TTC27: variants seen among roughly 807,000 people sequenced by gnomAD.
TTC27 encodes tetratricopeptide repeat domain 27.
A neutral mutation model predicts 115.9 loss-of-function variants in TTC27; 79 were observed. The ratio of observed to expected loss-of-function variants is 0.68; its 90% CI spans 0.57 to 0.82. The LOEUF (loss-of-function observed/expected upper bound fraction) is 0.82, where lower values mean the gene tolerates loss of function less well. Among genes scored for constraint, TTC27 ranks in the 40% least tolerant of loss-of-function variants. TTC27 has a pLI of 0.00. For missense variants in TTC27, 1,054 were observed against 993.1 expected (o/e 1.06, Z -0.82); for synonymous variants, 401 against 356.0 (o/e 1.13, Z -1.42).
At position 32,630,558 on chromosome 2, in the gene TTC27, A is replaced by G; in HGVS notation, c.124A>G (p.Asn42Asp). 1 of 1,611,752 alleles carries G rather than the reference A, an allele frequency of 6.2e-7. No individual in the cohort carries two copies. Among genetic ancestry groups the G allele is most frequent in the Non-Finnish European group, 8.5e-7 (1 of 1,179,098 alleles). Reference protein sequence around the residue: ...GSFLQLLLEGNYEAIFLNSMT... With the variant: ...GSFLQLLLEGDYEAIFLNSMT... ...TTTCCTACAATTGCTACTGGAAGGGAACTATGAAGCCATATTCTTAAATTC... is the reference window on the plus strand; with the variant it reads ...TTTCCTACAATTGCTACTGGAAGGGGACTATGAAGCCATATTCTTAAATTC... Residue 42 changes from asparagine (N) to aspartate (D), a missense_variant, in exon 2 of 20, where the codon AAC (asparagine) becomes GAC (aspartate). Coordinates refer to ENST00000317907, the MANE Select transcript of TTC27 (RefSeq NM_017735.5).
At chr2:32,786,292 TTTTG>T (rs1385705295) in intron 15 of TTC27, among the ~76,000 whole-genome samples, 3 of 152,028 alleles carry the variant, frequency 2.0e-5, no homozygotes, top group Non-Finnish European at 2.9e-5. Context: ...CAGCTGCTTT[TTTTG>T]TTTGTTTGTT....
At chr2:32,806,942 T>C (rs920263130) in intron 16 of TTC27, among the ~76,000 whole-genome samples, 1 of 152,198 alleles carries the variant, frequency 6.6e-6, no homozygotes, top group Non-Finnish European at 1.5e-5. Flanking sequence ...TGAAATGTAG[T>C]GTACATACAG....
chr2:32,729,339 A>G lies in TTC27; in HGVS notation c.1234-4489A>G, dbSNP rs150546596. On this transcript the variant is annotated intron_variant, in intron 10 of 19. Coordinates refer to ENST00000317907, the MANE Select transcript of TTC27 (RefSeq NM_017735.5). ...TTAAAATGTAGTTTTGATCTTCTCT[A>G]GTTTTTTTCTGGGAAATTCCTTCTC... 8.2e-3 allele frequency among the ~76,000 whole-genome samples: 1,249 copies of G among 152,258 alleles called. 14 individuals carry two copies. The highest frequency in any genetic ancestry group is 0.029 in the African/African-American group (1,216 of 41,560).
At chr2:32,782,794 A>G in intron 15 of TTC27, 116 bp downstream of exon 15, 1 of 699,522 alleles carries the variant, frequency 1.4e-6, no homozygotes, top group African/African-American at 1.8e-5. Flanking sequence ...GCCCATGTAT[A>G]TGAAATAGAA....
intron 5 of TTC27, among the ~76,000 whole-genome samples, chr2:32,657,314 G>A (rs1033121082): frequency 2.7e-5 from 4 of 150,908 alleles, no homozygotes; most frequent in African/African-American, 9.7e-5. Flanking sequence ...TTTGAGTCCA[G>A]AGAATCTCTT....
chr2:32,746,048 T>C (rs1668814617), intron 12 of TTC27, among the ~76,000 whole-genome samples: 1 of 152,150 alleles, frequency 6.6e-6, no homozygotes. Flanking sequence ...AAATTAATAA[T>C]TAGTTGTGTG....
Position 32,686,967 on chromosome 2 carries a change from C to T in TTC27, c.1119+8045C>T, listed in dbSNP as rs549075001. Among the ~76,000 whole-genome samples, 4 of 152,280 alleles carry T rather than the reference C, an allele frequency of 2.6e-5. No homozygotes were observed. The South Asian group carries it at 8.3e-4, about 32-fold the overall frequency. ...TCAAGCAATTCCTGTGCCTCAGCCT[C>T]CCGAGTACCTGGGATTACAGGCATG... On this transcript the variant is annotated intron_variant, in intron 9 of 19. Coordinates refer to ENST00000317907, the MANE Select transcript of TTC27 (RefSeq NM_017735.5).
At chr2:32,702,979 C>A in intron 10 of TTC27, 59 bp downstream of exon 10, 1 of 1,177,126 alleles carries the variant, frequency 8.5e-7, no homozygotes, top group Non-Finnish European at 1.3e-6. Flanking sequence ...TATCAGTAAG[C>A]ATACATGTTT....
In TTC27 at chr2:32,811,338, T is replaced by C. The variant is rs950141209; in HGVS notation, c.2196+117T>C. 5 of 968,314 alleles carry C rather than the reference T, an allele frequency of 5.2e-6. No homozygotes were observed. In the African/African-American group the frequency reaches 8.2e-5, roughly 16 times the overall value. 60.0% of individuals were successfully genotyped at this position (968,314 alleles called of 1,614,324 possible). On this transcript the variant is annotated intron_variant, in intron 17 of 19. Transcript: ENST00000317907. ...ATCTGAAAGATAAGATTAGTATGCT[T>C]AAGTTCAGTTCTGATTCAGTCTTTA...
Position 32,672,275 on chromosome 2 carries a change from C to A in TTC27, c.943C>A (p.Leu315Ile). 6.2e-7 allele frequency: 1 copy of A among 1,611,452 alleles called. No homozygotes were observed. Among genetic ancestry groups the A allele is most frequent in the Non-Finnish European group, 8.5e-7 (1 of 1,178,216 alleles). Reference sequence around the variant, plus strand: ...ATTTTCTTTTGTATTCTACTAGAATCTTGAGCTCAATGATGACACCATTCT... The same window carrying A: ...ATTTTCTTTTGTATTCTACTAGAATATTGAGCTCAATGATGACACCATTCT... ...PTPQEHLTKN[L>I]ELNDDTILND... The change falls in exon 8 of 20, where the codon CTT becomes ATT. Residue 315 changes from leucine to isoleucine, a missense_variant. By Grantham distance (5) the Leu-to-Ile change is conservative (BLOSUM62 2). Transcript: ENST00000317907.
chr2:32,639,054 G>A (rs186135007), intron 3 of TTC27, among the ~76,000 whole-genome samples: 1 of 151,806 alleles, frequency 6.6e-6, no homozygotes, highest in Non-Finnish European at 1.5e-5. Context: ...GGATGGTCTT[G>A]ATCTCCTGAC....
intron 12 of TTC27, among the ~76,000 whole-genome samples, chr2:32,750,248 C>T (rs1306826958): frequency 1.3e-5 from 2 of 152,174 alleles, no homozygotes; most frequent in Non-Finnish European, 2.9e-5. Flanking sequence ...TGAGTCCACA[C>T]AGCAAATGTC....
rs150353779 is a variant in TTC27, at chr2:32,707,426, C to T, written c.1233+4506C>T. Among the ~76,000 whole-genome samples, 458 of 152,294 alleles carry T rather than the reference C, an allele frequency of 3.0e-3. 1 individual carries two copies. The highest frequency in any genetic ancestry group is 0.01 in the African/African-American group (433 of 41,562). On this transcript the variant is annotated intron_variant, in intron 10 of 19. Coordinates refer to ENST00000317907, the MANE Select transcript of TTC27 (RefSeq NM_017735.5). ...TGAGGGTAGAGCCCCCACCTCCCAC[C>T]ACTGTTGCATCGGGCACCAAGTTGC...
At chr2:32,711,914 T>G (rs532666150) in intron 10 of TTC27, among the ~76,000 whole-genome samples, 1 of 152,050 alleles carries the variant, frequency 6.6e-6, no homozygotes, top group South Asian at 2.1e-4. Context: ...CACTCCAGCC[T>G]GGTGACAGAG....
chr2:32,637,427 G>C (rs920380556), intron 3 of TTC27, among the ~76,000 whole-genome samples: 6 of 152,078 alleles, frequency 3.9e-5, no homozygotes, highest in African/African-American at 9.7e-5. Flanking sequence ...CGCCTCCCGG[G>C]TTCAAGTGAT....
intron 16 of TTC27, among the ~76,000 whole-genome samples, chr2:32,806,548 A>G (rs1671133478): frequency 6.6e-6 from 1 of 152,200 alleles, no homozygotes; most frequent in African/African-American, 2.4e-5. Context: ...TCAGAGGCTG[A>G]GGCGGGCAGA....
chr2:32,790,441 T>A (rs1670498260), intron 16 of TTC27, among the ~76,000 whole-genome samples: 2 of 152,174 alleles, frequency 1.3e-5, no homozygotes. Context: ...TTATTAATAA[T>A]ATTTTAATTG....
intron 13 of TTC27, among the ~76,000 whole-genome samples, chr2:32,776,858 C>G (rs1014211288): frequency 4.0e-4 from 61 of 152,312 alleles, no homozygotes; most frequent in African/African-American, 1.4e-3. Context: ...GATCCGCCCA[C>G]CTCGGCCTCC....
intron 3 of TTC27, among the ~76,000 whole-genome samples, chr2:32,636,951 C>T (rs554401449): frequency 6.6e-6 from 1 of 152,174 alleles, no homozygotes; most frequent in Non-Finnish European, 1.5e-5. Flanking sequence ...GAAAAGGATG[C>T]TTTGAACTTG....
Sources: allele counts gnomAD v4.1 joint callset (sites outside exome capture counted in the v4.1 genomes callset), GRCh38; gene constraint gnomAD v4.1.1; transcripts MANE v1.5; gene names NCBI Gene and HGNC (gene_info 2026-07-23, HGNC 2026-07-21).